The following SAMD12 variants were observed in gnomAD, a reference collection of about 807,000 sequenced individuals.
The protein encoded by SAMD12 is sterile alpha motif domain-containing protein 12.
Under a neutral mutation model 15.0 loss-of-function variants are expected in SAMD12, and 9 were observed. That is an observed-to-expected ratio of 0.60 (90% CI 0.36 to 1.05). The LOEUF is 1.05. Among genes scored for constraint, SAMD12 ranks in the 50% least tolerant of loss-of-function variants. The pLI is 0.01. For synonymous variants in SAMD12, 86 were observed against 90.1 expected, an observed-to-expected ratio of 0.96 and a Z score of 0.25; for missense variants, 230 against 234.2, an observed-to-expected ratio of 0.98 and a Z score of 0.12.
the SAMD12 span, among the ~76,000 whole-genome samples, chr8:118,138,305 T>C: frequency 6.6e-6 from 1 of 152,222 alleles, no homozygotes; most frequent in African/African-American, 2.4e-5. Context: ...ACTCTAGCTA[T>C]GGTCTGAATG....
At chr8:118,546,345 C>T (rs1014921502) in intron 2 of SAMD12, among the ~76,000 whole-genome samples, 1 of 152,146 alleles carries the variant, frequency 6.6e-6, no homozygotes, top group Non-Finnish European at 1.5e-5. Context: ...CATTATTCTG[C>T]TCTCAACCAG....
intron 2 of SAMD12, among the ~76,000 whole-genome samples, chr8:118,529,814 G>T: frequency 6.6e-6 from 1 of 151,990 alleles, no homozygotes. Flanking sequence ...GTGTTGTTCA[G>T]GCTGAATAGT....
downstream of SAMD12, among the ~76,000 whole-genome samples, chr8:118,188,287 T>C (rs1186493065): frequency 6.6e-6 from 1 of 152,150 alleles, no homozygotes; most frequent in Non-Finnish European, 1.5e-5. Flanking sequence ...ATATTTTGTT[T>C]GGGGGCTCTG....
chr8:118,225,093 T>C (rs1479021737), intron 4 of SAMD12, among the ~76,000 whole-genome samples: 1 of 152,216 alleles, frequency 6.6e-6, no homozygotes, highest in Non-Finnish European at 1.5e-5. Context: ...CATCCTCTCC[T>C]GCCCTATGCT....
intron 2 of SAMD12, among the ~76,000 whole-genome samples, chr8:118,493,193 C>A (rs1824499444): frequency 6.6e-6 from 1 of 152,110 alleles, no homozygotes; most frequent in Admixed American, 6.6e-5. Context: ...CCCAGCTGAC[C>A]ATATGAAAAA....
intron 1 of SAMD12, among the ~76,000 whole-genome samples, chr8:118,595,646 T>C (rs534794191): frequency 5.8e-4 from 89 of 152,352 alleles, no homozygotes; most frequent in African/African-American, 2.1e-3. Context: ...TAAGTTCATG[T>C]TTCCAAACCT....
At chr8:118,205,778 C>T (rs1411941522) in intron 4 of SAMD12, among the ~76,000 whole-genome samples, 1 of 152,050 alleles carries the variant, frequency 6.6e-6, no homozygotes, top group East Asian at 1.9e-4. Flanking sequence ...GTCCTCGTTG[C>T]TTGGATGGTC....
intron 4 of SAMD12, among the ~76,000 whole-genome samples, chr8:118,309,328 T>G (rs1443630366): frequency 6.6e-6 from 1 of 152,158 alleles, no homozygotes; most frequent in Admixed American, 6.6e-5. Flanking sequence ...TATTTCGTTC[T>G]TTCTTATGGC....
chr8:118,606,517 C>T (rs1381176053), intron 1 of SAMD12, among the ~76,000 whole-genome samples: 1 of 151,792 alleles, frequency 6.6e-6, no homozygotes, highest in East Asian at 1.9e-4. Flanking sequence ...GATGATGGCC[C>T]TGGGGTGAAC....
intron 2 of SAMD12, among the ~76,000 whole-genome samples, chr8:118,449,168 T>C (rs566449808): frequency 1.1e-3 from 170 of 151,990 alleles, no homozygotes; most frequent in Admixed American, 2.0e-3. Flanking sequence ...GTTCAAACGA[T>C]TCTCCTTCCT....
chr8:118,490,442 A>C (rs1417847868), intron 2 of SAMD12, among the ~76,000 whole-genome samples: 2 of 152,206 alleles, frequency 1.3e-5, no homozygotes, highest in Admixed American at 1.3e-4. Context: ...GAGAATGCAA[A>C]ATATGGAAAT....
the SAMD12 span, among the ~76,000 whole-genome samples, chr8:118,158,936 C>T: frequency 1.3e-5 from 2 of 152,136 alleles, no homozygotes; most frequent in Non-Finnish European, 2.9e-5. Flanking sequence ...CAATAAAGCA[C>T]CTCTTTGCCT....
At chr8:118,429,781 C>T (rs1450228497) in intron 3 of SAMD12, among the ~76,000 whole-genome samples, 1 of 152,148 alleles carries the variant, frequency 6.6e-6, no homozygotes, top group African/African-American at 2.4e-5. Flanking sequence ...ATAATCCCAG[C>T]TACTCGGGAG....
chr8:118,350,709 G>C (rs902740246), intron 4 of SAMD12, among the ~76,000 whole-genome samples: 3 of 152,148 alleles, frequency 2.0e-5, no homozygotes, highest in African/African-American at 7.2e-5. Flanking sequence ...TTTATTTGGG[G>C]ATATAATGCA....
At chr8:118,188,043 G>A (rs528813711), downstream of SAMD12, among the ~76,000 whole-genome samples, 3 of 151,972 alleles carry the variant, frequency 2.0e-5, no homozygotes, top group East Asian at 5.8e-4. Flanking sequence ...TTGGAAGAGA[G>A]AGAGAGAGAG....
chr8:118,176,128 C>A, the SAMD12 span, among the ~76,000 whole-genome samples: 1 of 152,016 alleles, frequency 6.6e-6, no homozygotes, highest in Non-Finnish European at 1.5e-5. Context: ...GGTGAAACCC[C>A]ATCTCTACTA....
intron 4 of SAMD12, among the ~76,000 whole-genome samples, chr8:118,280,413 G>A (rs1813591257): frequency 6.6e-6 from 1 of 152,160 alleles, no homozygotes; most frequent in Non-Finnish European, 1.5e-5. Flanking sequence ...GCAGGGATAA[G>A]CTTGAGTGTG....
intron 2 of SAMD12, among the ~76,000 whole-genome samples, chr8:118,521,852 G>C (rs1825396282): frequency 6.6e-6 from 1 of 152,134 alleles, no homozygotes; most frequent in African/African-American, 2.4e-5. Flanking sequence ...AAATGCAAAA[G>C]AGAAGCTTTC....
the SAMD12 span, among the ~76,000 whole-genome samples, chr8:118,146,342 G>A: frequency 6.6e-6 from 1 of 152,158 alleles, no homozygotes; most frequent in African/African-American, 2.4e-5. Flanking sequence ...AAGAGACAAA[G>A]CTGGAGAAGT....
Sources: gnomAD v4.1 joint callset for allele counts (sites outside exome capture counted in the v4.1 genomes callset) on GRCh38, gnomAD v4.1.1 for gene constraint, MANE v1.5 for transcripts, NCBI Gene and HGNC (gene_info 2026-07-23, HGNC 2026-07-21) for gene names.